Variants in NLGN1 observed in about 807,000 individuals in gnomAD.
The protein encoded by NLGN1 is neuroligin 1.
Under a neutral mutation model 65.5 loss-of-function variants are expected in NLGN1, and 12 were observed. The observed-to-expected ratio is 0.18, with a 90% CI of 0.12 to 0.30. NLGN1 has a LOEUF of 0.30. Ranked by LOEUF, NLGN1 falls within the 10% of genes least tolerant of loss-of-function variation. The pLI is 1.00. For synonymous variants in NLGN1, 350 were observed against 359.5 expected, an observed-to-expected ratio of 0.97 and a Z score of 0.30; for missense variants, 750 against 1,007.1, an observed-to-expected ratio of 0.74 and a Z score of 3.46.
chr3:173,995,830 G>C (rs578005140), intron 4 of NLGN1, among the ~76,000 whole-genome samples: 1 of 151,648 alleles, frequency 6.6e-6, no homozygotes, highest in South Asian at 2.1e-4. Context: ...GGGACTCCCG[G>C]TGCACATACC....
chr3:173,925,984 T>C (rs760111763), intron 4 of NLGN1, among the ~76,000 whole-genome samples: 20 of 152,030 alleles, frequency 1.3e-4, no homozygotes, highest in Non-Finnish European at 2.4e-4. Context: ...CTGTCATTCA[T>C]TCTTATTTTT....
At chr3:173,853,277 A>G (rs368828506) in intron 4 of NLGN1, among the ~76,000 whole-genome samples, 224 of 152,320 alleles carry the variant, frequency 1.5e-3, no homozygotes, top group African/African-American at 5.1e-3. Context: ...TTTATTTTTC[A>G]TGCACTTGTG....
intron 1 of NLGN1, among the ~76,000 whole-genome samples, chr3:173,419,131 G>A (rs1353262341): frequency 1.5e-5 from 2 of 134,298 alleles, no homozygotes; most frequent in African/African-American, 2.8e-5. Context: ...TTTTTTTTTG[G>A]CAGTTAAAGA....
chr3:174,270,546 G>A (rs1423503451), intron 4 of NLGN1, among the ~76,000 whole-genome samples: 1 of 151,766 alleles, frequency 6.6e-6, no homozygotes, highest in Non-Finnish European at 1.5e-5. Flanking sequence ...CTAGCATGAG[G>A]ATTTTATTTC....
intron 2 of NLGN1, among the ~76,000 whole-genome samples, chr3:173,507,352 A>G (rs913365996): frequency 6.6e-6 from 1 of 151,998 alleles, no homozygotes; most frequent in African/African-American, 2.4e-5. Flanking sequence ...CCATCCAATT[A>G]AAATAAAAAA....
At chr3:173,484,425 T>G (rs1302277398) in intron 2 of NLGN1, among the ~76,000 whole-genome samples, 2 of 152,098 alleles carry the variant, frequency 1.3e-5, no homozygotes, top group African/African-American at 4.8e-5. Context: ...AAAGATGGAA[T>G]GTGTAAGAGA....
At chr3:174,033,926 C>T (rs1730566859) in intron 4 of NLGN1, among the ~76,000 whole-genome samples, 1 of 152,086 alleles carries the variant, frequency 6.6e-6, no homozygotes, top group South Asian at 2.1e-4. Flanking sequence ...AAATTAGTGA[C>T]AGACAGCAAA....
intron 4 of NLGN1, among the ~76,000 whole-genome samples, chr3:173,955,923 A>T (rs1357011848): frequency 1.3e-5 from 2 of 152,138 alleles, no homozygotes; most frequent in East Asian, 3.9e-4. Flanking sequence ...GTCATTCCGA[A>T]TACACAAGAA....
chr3:173,709,445 G>C (rs560766609), intron 3 of NLGN1, among the ~76,000 whole-genome samples: 2 of 152,210 alleles, frequency 1.3e-5, no homozygotes, highest in African/African-American at 4.8e-5. Context: ...AATATTTGTT[G>C]ATCAAAACTA....
chr3:174,131,485 A>C (rs1331790420), intron 4 of NLGN1, among the ~76,000 whole-genome samples: 1 of 152,186 alleles, frequency 6.6e-6, no homozygotes, highest in Non-Finnish European at 1.5e-5. Context: ...TTTTTTCTAC[A>C]TTAAACTCTC....
intron 3 of NLGN1, among the ~76,000 whole-genome samples, chr3:173,642,455 A>G (rs1757569571): frequency 1.3e-5 from 2 of 152,160 alleles, no homozygotes; most frequent in African/African-American, 4.8e-5. Context: ...CATGCATGTG[A>G]AGAAGCCATC....
chr3:173,597,693 CAT>C (rs10662198), intron 2 of NLGN1, among the ~76,000 whole-genome samples: 11,682 of 150,372 alleles, frequency 0.078, 1,528 homozygotes, highest in African/African-American at 0.27. Context: ...TAGGAATATA[CAT>C]ATATATATAT....
At chr3:174,064,675 G>C (rs1170147663) in intron 4 of NLGN1, among the ~76,000 whole-genome samples, 3 of 150,364 alleles carry the variant, frequency 2.0e-5, no homozygotes, top group Non-Finnish European at 4.4e-5. Context: ...TATAAATTTA[G>C]GGAAAGCAGT....
intron 3 of NLGN1, among the ~76,000 whole-genome samples, chr3:173,661,349 T>A (rs1364336714): frequency 1.3e-5 from 2 of 151,898 alleles, no homozygotes; most frequent in East Asian, 3.9e-4. Context: ...TAAGTTGAGG[T>A]CAAAGAAGAT....
chr3:174,165,358 T>G (rs555254259), intron 4 of NLGN1, among the ~76,000 whole-genome samples: 2 of 152,174 alleles, frequency 1.3e-5, no homozygotes, highest in South Asian at 4.1e-4. Flanking sequence ...TGGTTCTTAT[T>G]TTGCGGTATG....
chr3:173,477,897 G>GA (rs149956308), intron 2 of NLGN1, among the ~76,000 whole-genome samples: 1,598 of 152,172 alleles, frequency 0.011, 28 homozygotes, highest in African/African-American at 0.037. Context: ...AGAAAGTCAA[G>GA]AAAAAATAGA....
chr3:173,530,271 G>A (rs1314428331), intron 2 of NLGN1, among the ~76,000 whole-genome samples: 1 of 152,118 alleles, frequency 6.6e-6, no homozygotes, highest in Non-Finnish European at 1.5e-5. Flanking sequence ...GGCACTTTCT[G>A]TGTGCCTAGT....
chr3:173,909,307 TC>T (rs2152215187), intron 4 of NLGN1, among the ~76,000 whole-genome samples: 1 of 152,256 alleles, frequency 6.6e-6, no homozygotes, highest in East Asian at 1.9e-4. Flanking sequence ...GGCTTAGCCA[TC>T]TTTTTTATGA....
chr3:173,598,334 C>T (rs1384582944), intron 2 of NLGN1, among the ~76,000 whole-genome samples: 1 of 152,118 alleles, frequency 6.6e-6, no homozygotes, highest in Non-Finnish European at 1.5e-5. Context: ...ACTGCTGTTA[C>T]ATCATATATT....
Sources: allele counts gnomAD v4.1 joint callset (sites outside exome capture counted in the v4.1 genomes callset), GRCh38; gene constraint gnomAD v4.1.1; transcripts MANE v1.5; gene names NCBI Gene and HGNC (gene_info 2026-07-23, HGNC 2026-07-21).